Variants in GPC5 observed in about 807,000 individuals in gnomAD.
GPC5 encodes the protein glypican 5.
GPC5 carries 47 observed loss-of-function variants against 53.9 expected under a neutral mutation model. That is an observed-to-expected ratio of 0.87 (90% CI 0.69 to 1.11). The LOEUF (loss-of-function observed/expected upper bound fraction) is 1.11. Among genes scored for constraint, GPC5 ranks in the 50% most tolerant of loss-of-function variants. The pLI is 0.00. For synonymous variants in GPC5, 286 were observed against 263.3 expected (o/e 1.09, Z -0.84); for missense variants, 748 against 713.1 (o/e 1.05, Z -0.56).
At chr13:92,228,749 T>TACAC (rs2042507542) in intron 7 of GPC5, among the ~76,000 whole-genome samples, 1 of 151,892 alleles carries the variant, frequency 6.6e-6, no homozygotes, top group South Asian at 2.1e-4. Flanking sequence ...TATGCATACA[T>TACAC]ACACACACAC....
intron 7 of GPC5, among the ~76,000 whole-genome samples, chr13:92,636,997 C>CT (rs557871413): frequency 6.6e-5 from 10 of 152,126 alleles, no homozygotes; most frequent in Non-Finnish European, 1.3e-4. Flanking sequence ...CCCCTCACAA[C>CT]TAATTGATAA....
chr13:91,782,739 G>A (rs1197981201), intron 5 of GPC5, among the ~76,000 whole-genome samples: 12 of 152,004 alleles, frequency 7.9e-5, no homozygotes, highest in African/African-American at 1.2e-4. Context: ...CTATGAAATA[G>A]GTGTATTTTC....
chr13:92,356,883 C>G (rs2043526843), intron 7 of GPC5, among the ~76,000 whole-genome samples: 1 of 152,110 alleles, frequency 6.6e-6, no homozygotes, highest in South Asian at 2.1e-4. Flanking sequence ...TTCAAGTAGA[C>G]CACAGTGTCT....
At chr13:92,378,476 C>T (rs2043712515) in intron 7 of GPC5, among the ~76,000 whole-genome samples, 1 of 152,090 alleles carries the variant, frequency 6.6e-6, no homozygotes, top group Non-Finnish European at 1.5e-5. Flanking sequence ...GGCTTTAGCC[C>T]AACTTGAGGT....
At chr13:92,092,880 G>T (rs1331789270) in intron 6 of GPC5, among the ~76,000 whole-genome samples, 2 of 152,124 alleles carry the variant, frequency 1.3e-5, no homozygotes, top group Non-Finnish European at 2.9e-5. Flanking sequence ...AGAATACAAA[G>T]AGCAGAGAAT....
chr13:91,926,062 T>TA (rs1213129596), intron 6 of GPC5, among the ~76,000 whole-genome samples: 8 of 152,138 alleles, frequency 5.3e-5, no homozygotes, highest in African/African-American at 1.7e-4. Flanking sequence ...GATTCTGCAT[T>TA]AAAAAATCTA....
chr13:92,282,581 G>A (rs926737774), intron 7 of GPC5, among the ~76,000 whole-genome samples: 1 of 152,094 alleles, frequency 6.6e-6, no homozygotes, highest in Non-Finnish European at 1.5e-5. Flanking sequence ...GAAGAGAAGG[G>A]GGGCCAATAT....
At chr13:91,906,966 T>G (rs1487900626) in intron 5 of GPC5, among the ~76,000 whole-genome samples, 2 of 150,714 alleles carry the variant, frequency 1.3e-5, no homozygotes, top group Non-Finnish European at 3.0e-5. Flanking sequence ...TATTGCCTTG[T>G]ACAGTTATAT....
intron 7 of GPC5, among the ~76,000 whole-genome samples, chr13:92,157,755 A>G (rs557011688): frequency 2.3e-3 from 345 of 152,186 alleles, no homozygotes; most frequent in Non-Finnish European, 3.0e-3. Context: ...CTCTTTTGTG[A>G]ATTTATTCCC....
chr13:91,521,280 A>AAATCTTAGT (rs1470657550), intron 2 of GPC5, among the ~76,000 whole-genome samples: 32 of 152,350 alleles, frequency 2.1e-4, no homozygotes, highest in Non-Finnish European at 3.8e-4. Flanking sequence ...AACACAATGA[A>AAATCTTAGT]AATCTTAGTG....
chr13:92,734,818 C>T (rs574852772), intron 7 of GPC5, among the ~76,000 whole-genome samples: 37 of 152,016 alleles, frequency 2.4e-4, no homozygotes, highest in East Asian at 1.7e-3. Context: ...CACAACACTT[C>T]GATTCCAACA....
chr13:91,614,192 T>A (rs1187804528), intron 2 of GPC5, among the ~76,000 whole-genome samples: 3 of 152,158 alleles, frequency 2.0e-5, no homozygotes, highest in Non-Finnish European at 2.9e-5. Context: ...AGCCTGGGAA[T>A]TTTTTCTGCA....
intron 7 of GPC5, among the ~76,000 whole-genome samples, chr13:92,841,785 TCTA>T (rs1375589726): frequency 1.3e-5 from 2 of 152,148 alleles, no homozygotes; most frequent in African/African-American, 4.8e-5. Flanking sequence ...GCCTCCTTTC[TCTA>T]CTTTTTCCTT....
intron 7 of GPC5, among the ~76,000 whole-genome samples, chr13:92,521,320 A>T (rs1428135419): frequency 1.3e-5 from 2 of 152,128 alleles, no homozygotes; most frequent in African/African-American, 2.4e-5. Flanking sequence ...CATTGCCAAG[A>T]CAATCCTAAG....
intron 7 of GPC5, among the ~76,000 whole-genome samples, chr13:92,598,819 C>G (rs916203963): frequency 6.6e-6 from 1 of 152,082 alleles, no homozygotes; most frequent in Non-Finnish European, 1.5e-5. Flanking sequence ...GAGTTCGAGA[C>G]CAACCTGACC....
chr13:92,679,551 T>A (rs1321761573), intron 7 of GPC5, among the ~76,000 whole-genome samples: 1 of 152,170 alleles, frequency 6.6e-6, no homozygotes, highest in East Asian at 1.9e-4. Flanking sequence ...CTAATTTGCA[T>A]GAATTACTTA....
chr13:92,569,704 C>T (rs1371222859), intron 7 of GPC5, among the ~76,000 whole-genome samples: 1 of 152,064 alleles, frequency 6.6e-6, no homozygotes, highest in Non-Finnish European at 1.5e-5. Context: ...TCTAGTGCAC[C>T]AGGATTATAA....
intron 7 of GPC5, among the ~76,000 whole-genome samples, chr13:92,299,300 C>T (rs957502635): frequency 6.6e-6 from 1 of 152,096 alleles, no homozygotes; most frequent in Non-Finnish European, 1.5e-5. Context: ...TCAACTTAAT[C>T]AATTTTTGGA....
chr13:91,507,280 T>G (rs958521016), intron 2 of GPC5, among the ~76,000 whole-genome samples: 1 of 152,090 alleles, frequency 6.6e-6, no homozygotes, highest in Non-Finnish European at 1.5e-5. Context: ...TGGGGTCTCT[T>G]TTATAAGAAT....
Sources: allele counts gnomAD v4.1 joint callset (sites outside exome capture counted in the v4.1 genomes callset), GRCh38; gene constraint gnomAD v4.1.1; transcripts MANE v1.5; gene names NCBI Gene and HGNC (gene_info 2026-07-23, HGNC 2026-07-21).